Variants in SLCO4A1 observed in about 807,000 individuals in gnomAD.
SLCO4A1 encodes colon organic anion transporter.
SLCO4A1 carries 51 observed loss-of-function variants against 64.6 expected under a neutral mutation model. The observed-to-expected ratio is 0.79, with a 90% CI of 0.63 to 1.00. The LOEUF (loss-of-function observed/expected upper bound fraction) is 1.00. Among genes scored for constraint, SLCO4A1 ranks in the 50% least tolerant of loss-of-function variants. The pLI is 0.00. For synonymous variants in SLCO4A1, 471 were observed against 444.9 expected, an observed-to-expected ratio of 1.06 and a Z score of -0.74; for missense variants, 919 against 980.5, an observed-to-expected ratio of 0.94 and a Z score of 0.84.
intron 6 of SLCO4A1, chr20:62,666,132 T>TTCCCCTTCCCCTTCCCCG: frequency 1.7e-5 from 1 of 58,540 alleles, no homozygotes; most frequent in Non-Finnish European, 3.3e-5. Context: ...CCCCTTCCCC[T>TTCCCCTTCCCCTTCCCCG]TCCCCTTCCC....
At chr20:62,674,216 G>A (rs575893858), downstream of SLCO4A1, among the ~76,000 whole-genome samples, 28 of 152,332 alleles carry the variant, frequency 1.8e-4, no homozygotes, top group African/African-American at 6.0e-4. Flanking sequence ...GAGGTGTTCT[G>A]GTACCGGAGT....
At chr20:62,664,708 C>G (rs2147094291) in intron 5 of SLCO4A1, among the ~76,000 whole-genome samples, 1 of 152,360 alleles carries the variant, frequency 6.6e-6, no homozygotes, top group Admixed American at 6.5e-5. Context: ...GCACCCCACT[C>G]TACTCCCTGT....
rs533284157 is a variant in SLCO4A1 at position 62,645,399 on chromosome 20, C to T, written c.-97+2846C>T. On this transcript the variant is annotated intron_variant, in intron 1 of 11. Coordinates refer to ENST00000217159, the MANE Select transcript of SLCO4A1 (RefSeq NM_016354.4). The surrounding 1 kb of genome is among the most constrained non-coding windows in gnomAD (Gnocchi z 4.2). ...CAAAGAACAACCTGGTCCTGGGGACCCTGCTGCCTTCTCTGGCCCCTGCTG... is the reference window on the plus strand; with the variant it reads ...CAAAGAACAACCTGGTCCTGGGGACTCTGCTGCCTTCTCTGGCCCCTGCTG... Among the ~76,000 whole-genome samples, 4 of 151,450 alleles carry T rather than the reference C, an allele frequency of 2.6e-5. No homozygotes were observed. The South Asian group carries it at 8.3e-4, about 32-fold the overall frequency.
In SLCO4A1 at chr20:62,660,989, G is replaced by A. The variant is rs1030596066; in HGVS notation, c.1010-75G>A. The A allele has an allele frequency of 4.9e-6, 5 of 1,015,574 alleles. No individual in the cohort carries two copies. The South Asian group carries it at 7.1e-5, about 14-fold the overall frequency. The allele number at this position is 1,015,574 out of a possible 1,614,324, so 62.9% of individuals were successfully genotyped here. A position where few individuals can be genotyped will look rare whatever the true frequency, so the allele number is the denominator to read the frequency against. ...ACCGGGGAGGGGCAGAGGAGTGGGGGCAGAGCCTCTCTCGGAGAAGTCCAC... is the reference window on the plus strand; with the variant it reads ...ACCGGGGAGGGGCAGAGGAGTGGGGACAGAGCCTCTCTCGGAGAAGTCCAC... On this transcript the variant is annotated intron_variant, in intron 4 of 11. Transcript: ENST00000217159.
At chr20:62,672,341 G>T (rs1331085954), downstream of SLCO4A1, 2 of 1,008,228 alleles carry the variant, frequency 2.0e-6, no homozygotes, top group South Asian at 6.5e-5. Context: ...AGAGTTTGGT[G>T]GTCTCGCCAT....
chr20:62,648,096 TCCCCCGGCTGATCG>T (rs1333105319), intron 1 of SLCO4A1, among the ~76,000 whole-genome samples: 1 of 152,204 alleles, frequency 6.6e-6, no homozygotes, highest in Non-Finnish European at 1.5e-5. Flanking sequence ...GGACACATTA[TCCCCCGGCTGATCG>T]CCTTGGCCTA....
intron 2 of SLCO4A1, among the ~76,000 whole-genome samples, chr20:62,657,798 A>G (rs1300609395): frequency 1.3e-5 from 2 of 152,238 alleles, no homozygotes; most frequent in Non-Finnish European, 2.9e-5. Flanking sequence ...GCAGCCACAT[A>G]GGGGTGTGGA....
chr20:62,682,676 C>T (rs906688306), intron 2 of SLCO4A1, among the ~76,000 whole-genome samples: 1 of 145,494 alleles, frequency 6.9e-6, no homozygotes, highest in African/African-American at 2.5e-5. Flanking sequence ...CACACACACA[C>T]AGTTGTCATG....
At chr20:62,646,052 C>T (rs1160166335) in intron 1 of SLCO4A1, among the ~76,000 whole-genome samples, 1 of 152,210 alleles carries the variant, frequency 6.6e-6, no homozygotes, top group Non-Finnish European at 1.5e-5. Context: ...AGTGGCCCAG[C>T]TGTGCCAGGC....
intron 6 of SLCO4A1, chr20:62,666,119 C>CCCCCCGT (rs1364782406): frequency 3.3e-5 from 2 of 59,864 alleles, no homozygotes; most frequent in African/African-American, 5.8e-5. Context: ...CGCCCCCCCG[C>CCCCCCGT]TCCCCCTTCC....
In SLCO4A1 at chr20:62,679,837, G is replaced by A. The variant is rs76844151; in HGVS notation, n.212-5604G>A. Among the ~76,000 whole-genome samples the A allele has an allele frequency of 8.4e-3, 1,283 of 152,354 alleles. 18 individuals carry two copies. Among genetic ancestry groups the A allele is most frequent in the African/African-American group, 0.029 (1,210 of 41,582 alleles). Reference sequence around the variant, plus strand: ...AGAGTCTAAGGAGGGAGTCAAGGATGTGGCTCAAAACTCCTCTGTTAAAAC... The same window carrying A: ...AGAGTCTAAGGAGGGAGTCAAGGATATGGCTCAAAACTCCTCTGTTAAAAC... On this transcript the variant is annotated intron_variant and non_coding_transcript_variant, in intron 2 of 2. Coordinates refer to the SLCO4A1 transcript ENST00000466818.
chr20:62,683,744 G>C (rs1987940232), intron 2 of SLCO4A1, among the ~76,000 whole-genome samples: 1 of 152,172 alleles, frequency 6.6e-6, no homozygotes, highest in South Asian at 2.1e-4. Context: ...ACACCGTCTG[G>C]GTTTGTGTGA....
rs568505559 is a variant in SLCO4A1, at chr20:62,661,665, A to G, written c.1121+490A>G. On this transcript the variant is annotated intron_variant, in intron 5 of 11. Transcript: ENST00000217159. This position sits in a 1 kb window ranked among gnomAD's most constrained non-coding sequence, Gnocchi z 5.2. ...CCGGGCCCTGGGATGCTGCCCCCCC[A>G]TCTCCCTCCCTCCCTCAGAGTCTCT... 8.3e-6 allele frequency among the ~76,000 whole-genome samples: 1 copy of G among 120,558 alleles called. No homozygotes were observed. The highest frequency in any genetic ancestry group is 2.8e-4 in the South Asian group (1 of 3,558). 79.1% of individuals were successfully genotyped at this position (120,558 alleles called of 152,430 possible). A position where few individuals can be genotyped will look rare whatever the true frequency, so the allele number is the denominator to read the frequency against.
chr20:62,643,148 C>T (rs1569111180), intron 1 of SLCO4A1: 1 of 389,072 alleles, frequency 2.6e-6, no homozygotes, highest in East Asian at 1.0e-4. Context: ...GCGCACAGGG[C>T]TAGTTTCCAG....
chr20:62,668,847 C>A (rs1986842038), intron 10 of SLCO4A1, 83 bp from the exon 11 acceptor site: 2 of 1,385,302 alleles, frequency 1.4e-6, no homozygotes, highest in Admixed American at 2.1e-5. Flanking sequence ...CAGAGCCCAT[C>A]ATTCCAGGCC....
Position 62,657,236 on chromosome 20 carries a change from C to T in SLCO4A1, c.782C>T (p.Ser261Leu), listed in dbSNP as rs1377142997. 6 of 1,531,518 alleles carry T rather than the reference C, an allele frequency of 3.9e-6. No individual in the cohort carries two copies. The highest frequency in any genetic ancestry group is 2.0e-5 in the Admixed American group (1 of 50,552). 94.9% of individuals were successfully genotyped at this position (1,531,518 alleles called of 1,614,324 possible). Residue 261 changes from serine (S) to leucine (L), a missense_variant, in exon 2 of 12, where the codon TCG becomes TTG. By Grantham distance (145) the Ser-to-Leu change is moderately radical. Transcript: ENST00000217159. ...YLDENVKSSC[S>L]PVYIAIFYTA... The stretch of plus-strand genomic sequence containing the variant: ...GATGAGAACGTCAAGTCCAGCTGCT[C>T]GCCCGTCTACATTGGTGAGTGGGGC...
chr20:62,654,264 GC>G (rs1172926972), intron 1 of SLCO4A1, among the ~76,000 whole-genome samples: 1 of 152,178 alleles, frequency 6.6e-6, no homozygotes. Flanking sequence ...CGGGTTTAGG[GC>G]CCACCCTAAT....
At chr20:62,656,294 T>G (rs1432324978) in intron 1 of SLCO4A1, 65 bp from the exon 2 acceptor site, 25 of 630,268 alleles carry the variant, frequency 4.0e-5, no homozygotes, top group Non-Finnish European at 6.4e-5. Flanking sequence ...GCTGGAATGT[T>G]CCCTCCTGGA....
At position 62,661,002 on chromosome 20, in the gene SLCO4A1, C is replaced by G. The variant is rs1005131277; in HGVS notation, c.1010-62C>G. 3.5e-5 allele frequency: 39 copies of G among 1,123,596 alleles called. No individual in the cohort carries two copies. The highest frequency in any genetic ancestry group is 4.9e-5 in the Non-Finnish European group (38 of 772,680). 69.6% of individuals were successfully genotyped at this position (1,123,596 alleles called of 1,614,324 possible). On this transcript the variant is annotated intron_variant, in intron 4 of 11. Coordinates refer to ENST00000217159, the MANE Select transcript of SLCO4A1 (RefSeq NM_016354.4). The surrounding 1 kb of genome is among the most constrained non-coding windows in gnomAD (Gnocchi z 5.2). ...AGAGGAGTGGGGGCAGAGCCTCTCT[C>G]GGAGAAGTCCACCTCCGGGAGCCCC...
Sources: allele counts gnomAD v4.1 joint callset (sites outside exome capture counted in the v4.1 genomes callset), GRCh38; gene constraint gnomAD v4.1.1; non-coding constraint Gnocchi (gnomAD v3.1); transcripts MANE v1.5; gene names NCBI Gene and HGNC (gene_info 2026-07-23, HGNC 2026-07-21).